The following SLC20A2 variants were observed in gnomAD, a reference collection of about 807,000 sequenced individuals.
SLC20A2 encodes the protein sodium-dependent phosphate transporter 2.
In SLC20A2, 30 loss-of-function variants were observed where a neutral mutation model predicts 61.0. The observed-to-expected ratio is 0.49, with a 90% confidence interval of 0.37 to 0.67. The LOEUF is 0.67. SLC20A2 is among the 30% of genes least tolerant of loss of function. SLC20A2 has a pLI of 0.00. For synonymous variants in SLC20A2, 351 were observed against 353.3 expected (o/e 0.99, Z 0.07); for missense variants, 626 against 866.4 (o/e 0.72, Z 3.48).
intron 1 of SLC20A2, among the ~76,000 whole-genome samples, chr8:42,495,709 T>A (rs1404656672): frequency 1.3e-5 from 2 of 152,078 alleles, no homozygotes; most frequent in Non-Finnish European, 2.9e-5. Flanking sequence ...AAACATGTAA[T>A]TAACTATGCT....
intron 8 of SLC20A2, 100 bp downstream of exon 8, chr8:42,436,889 C>T: frequency 9.1e-7 from 1 of 1,093,454 alleles, no homozygotes. Flanking sequence ...GCAGGGACTT[C>T]CATCGGTGCC....
chr8:42,524,431 CTTCT>C (rs1811788661), intron 1 of SLC20A2, among the ~76,000 whole-genome samples: 1 of 152,052 alleles, frequency 6.6e-6, no homozygotes, highest in Non-Finnish European at 1.5e-5. Flanking sequence ...ACTATTTTGT[CTTCT>C]TTAAGCTTAA....
intron 5 of SLC20A2, among the ~76,000 whole-genome samples, chr8:42,452,720 G>T (rs1009825950): frequency 1.3e-4 from 20 of 151,998 alleles, no homozygotes; most frequent in Non-Finnish European, 2.5e-4. Context: ...AGATGAAGAG[G>T]AGGAGGAGGG....
chr8:42,447,495 G>C (rs560097714), intron 5 of SLC20A2, among the ~76,000 whole-genome samples: 3 of 152,086 alleles, frequency 2.0e-5, no homozygotes, highest in Admixed American at 1.3e-4. Context: ...GGCTAACACG[G>C]TGAAACCCCG....
At chr8:42,465,230 G>A (rs1021770325) in intron 3 of SLC20A2, among the ~76,000 whole-genome samples, 2 of 151,208 alleles carry the variant, frequency 1.3e-5, no homozygotes, top group Non-Finnish European at 3.0e-5. Context: ...GTTAATTTTT[G>A]TATTTTTGTA....
At chr8:42,429,876 C>CAA (rs1803713395) in intron 9 of SLC20A2, among the ~76,000 whole-genome samples, 188 bp downstream of exon 9, 1 of 152,112 alleles carries the variant, frequency 6.6e-6, no homozygotes, top group African/African-American at 2.4e-5. Context: ...GGCTGGGGGC[C>CAA]GGGCACAGTA....
chr8:42,429,752 C>T (rs1803702943), intron 9 of SLC20A2, among the ~76,000 whole-genome samples: 1 of 152,196 alleles, frequency 6.6e-6, no homozygotes, highest in South Asian at 2.1e-4. Context: ...TCCCTGCCCA[C>T]CTGCCTTTGG....
chr8:42,494,168 A>G (rs1809740865), intron 1 of SLC20A2, among the ~76,000 whole-genome samples: 2 of 152,130 alleles, frequency 1.3e-5, no homozygotes, highest in Non-Finnish European at 2.9e-5. Context: ...TGCTCATAAC[A>G]AATTTGATAA....
intron 8 of SLC20A2, among the ~76,000 whole-genome samples, chr8:42,432,399 G>A (rs1212342870): frequency 6.6e-6 from 1 of 152,222 alleles, no homozygotes; most frequent in African/African-American, 2.4e-5. Flanking sequence ...GCTTCTTATG[G>A]ATGAGCAAAG....
intron 5 of SLC20A2, among the ~76,000 whole-genome samples, chr8:42,447,655 C>A (rs1805334508): frequency 6.6e-6 from 1 of 151,864 alleles, no homozygotes; most frequent in Non-Finnish European, 1.5e-5. Flanking sequence ...CCAGCCTGGG[C>A]GACAGAGCGA....
At chr8:42,449,975 G>A (rs548008793) in intron 5 of SLC20A2, among the ~76,000 whole-genome samples, 28 of 152,190 alleles carry the variant, frequency 1.8e-4, no homozygotes, top group African/African-American at 6.7e-4. Context: ...ACACTTATGT[G>A]TGCACACACA....
intron 8 of SLC20A2, among the ~76,000 whole-genome samples, chr8:42,431,040 T>C (rs1037602352): frequency 1.3e-5 from 2 of 152,196 alleles, no homozygotes; most frequent in African/African-American, 2.4e-5. Flanking sequence ...TACCGTACAG[T>C]GCCCTCTAAG....
intron 1 of SLC20A2, among the ~76,000 whole-genome samples, chr8:42,528,211 C>T (rs1812097838): frequency 6.6e-6 from 1 of 152,060 alleles, no homozygotes; most frequent in African/African-American, 2.4e-5. Flanking sequence ...CCTGTAATCC[C>T]AGAACTTTGG....
chr8:42,475,576 AT>A (rs1482548395), intron 1 of SLC20A2, among the ~76,000 whole-genome samples: 9 of 151,390 alleles, frequency 5.9e-5, no homozygotes, highest in Admixed American at 2.0e-4. Flanking sequence ...TGCCCGGCTA[AT>A]TTTTTTGTAT....
chr8:42,514,631 G>A (rs189496305), intron 1 of SLC20A2, among the ~76,000 whole-genome samples: 24 of 152,044 alleles, frequency 1.6e-4, no homozygotes, highest in African/African-American at 4.8e-4. Flanking sequence ...GGTGGTACGC[G>A]CCTGTAATCC....
intron 6 of SLC20A2, among the ~76,000 whole-genome samples, chr8:42,442,551 G>C (rs1019437452): frequency 6.6e-6 from 1 of 152,118 alleles, no homozygotes; most frequent in African/African-American, 2.4e-5. Context: ...CTCTATTCTT[G>C]TTCCATTAAT....
chr8:42,455,257 T>TATATATATATATATAGAGAGAG (rs1357416749), intron 5 of SLC20A2, among the ~76,000 whole-genome samples: 1 of 81,620 alleles, frequency 1.2e-5, no homozygotes, highest in African/African-American at 4.4e-5. Context: ...TATATATATA[T>TATATATATATATATAGAGAGAG]AGAGAGAGAG....
intron 1 of SLC20A2, among the ~76,000 whole-genome samples, chr8:42,497,814 G>C (rs764203182): frequency 6.6e-6 from 1 of 151,398 alleles, no homozygotes; most frequent in Non-Finnish European, 1.5e-5. Context: ...GGTTGGGCAC[G>C]GGGGGAGGGA....
chr8:42,508,381 GTCTCGGAGTCTCGCTC>G (rs2131367870), intron 1 of SLC20A2, among the ~76,000 whole-genome samples: 1 of 152,156 alleles, frequency 6.6e-6, no homozygotes, highest in Admixed American at 6.5e-5. Flanking sequence ...TTGAGACGGA[GTCTCGGAGTCTCGCTC>G]TGTTTGTTTT....
Sources: allele counts gnomAD v4.1 joint callset (sites outside exome capture counted in the v4.1 genomes callset), GRCh38; gene constraint gnomAD v4.1.1; transcripts MANE v1.5; gene names NCBI Gene and HGNC (gene_info 2026-07-23, HGNC 2026-07-21).